Variants in FN1 observed in about 807,000 individuals in gnomAD.
FN1 encodes the protein fibronectin 1, also known as fibronectin.
Under a neutral mutation model 297.3 loss-of-function variants are expected in FN1, and 106 were observed. The ratio of observed to expected loss-of-function variants is 0.36; its 90% confidence interval spans 0.30 to 0.42. FN1 has a LOEUF of 0.42. Ranked by LOEUF, FN1 falls within the 10% of genes least tolerant of loss-of-function variation. FN1 has a pLI of 1.00. For synonymous variants in FN1, 1,149 were observed against 1,152.6 expected (o/e 1.00, Z 0.06); for missense variants, 2,690 against 3,124.9 (o/e 0.86, Z 3.32).
intron 20 of FN1, among the ~76,000 whole-genome samples, chr2:215,403,238 T>G: frequency 6.6e-6 from 1 of 152,204 alleles, no homozygotes; most frequent in East Asian, 1.9e-4. Flanking sequence ...TGCTTACGAT[T>G]AACTATTATT....
At chr2:215,424,424 C>T (rs2064979105) in intron 7 of FN1, 99 bp from the exon 8 acceptor site, 4 of 963,136 alleles carry the variant, frequency 4.2e-6, no homozygotes, top group Non-Finnish European at 6.5e-6. Flanking sequence ...AGCTTGTGCC[C>T]TCAAAGGAAG....
chr2:215,433,007 G>A (rs900670392), intron 3 of FN1, among the ~76,000 whole-genome samples: 3 of 152,026 alleles, frequency 2.0e-5, no homozygotes, highest in Non-Finnish European at 4.4e-5. Flanking sequence ...ATTTAAAATG[G>A]GCAACTCCCC....
intron 1 of FN1, among the ~76,000 whole-genome samples, chr2:215,435,426 C>CTCT (rs1559627137): frequency 1.3e-5 from 2 of 152,304 alleles, no homozygotes; most frequent in East Asian, 3.9e-4. Context: ...TTTATTAGAA[C>CTCT]ACGGGAAAGT....
Position 215,391,756 on chromosome 2 carries a change from G to C in FN1, c.4128C>G (p.Val1376=), listed in dbSNP as rs2059732033. The part of the protein sequence containing the change: ...FTNIGPDTMR[V]TWAPPPSIDL... The stretch of plus-strand genomic sequence containing the variant: ...CAATGGATGGGGGTGGAGCCCAGGT[G>C]ACACGCATGGTGTCTGGACCAATGT... Residue 1376 remains valine, a synonymous_variant, in exon 26 of 46, where the codon GTC becomes GTG. Coordinates refer to ENST00000354785, the MANE Select transcript of FN1 (RefSeq NM_212482.4). 1 of 1,614,046 alleles carries C rather than the reference G, an allele frequency of 6.2e-7. No individual in the cohort carries two copies. The highest frequency in any genetic ancestry group is 1.1e-5 in the South Asian group (1 of 91,074).
At chr2:215,404,883 C>G (rs1559489912) in intron 19 of FN1, among the ~76,000 whole-genome samples, 1 of 152,146 alleles carries the variant, frequency 6.6e-6, no homozygotes, top group Admixed American at 6.5e-5. Context: ...TGACTGTGAT[C>G]CTTTGGGAAG....
At position 215,384,940 on chromosome 2, in the gene FN1, G is replaced by A. The variant is rs202245868; in HGVS notation, c.4649C>T (p.Ala1550Val). ...GCTGATCAGTAGGCTGGTGGGGGTC[G>A]CAGCAACAACTTCCAGGTCCCTCGG... ...DVPRDLEVVA[A>V]TPTSLLISWD... The change falls in exon 29 of 46, where the codon GCG (alanine) becomes GTG (valine). Residue 1550 changes from alanine (A) to valine (V), a missense_variant. Transcript: ENST00000354785. 4.0e-5 allele frequency: 65 copies of A among 1,613,692 alleles called. No individual in the cohort carries two copies. Among genetic ancestry groups the A allele is most frequent in the Admixed American group, 6.7e-5 (4 of 59,994 alleles).
Position 215,434,720 on chromosome 2 carries a change from A to C in FN1, c.253T>G (p.Phe85Val), listed in dbSNP as rs2067156791. ...VCTCYGGSRGFNCESKPEAEE... is the reference protein window; with the variant it reads ...VCTCYGGSRGVNCESKPEAEE... The stretch of plus-strand genomic sequence containing the variant: ...CCTTCAGGTTTACTCTCGCAGTTAA[A>C]ACCTCGGCTTCCTCCATAACAAGTA... The change falls in exon 2 of 46, where the codon TTT becomes GTT. Residue 85 changes from phenylalanine to valine, a missense_variant. Physicochemically the swap from Phe to Val is conservative, Grantham distance 50 (BLOSUM62 -1). Coordinates refer to ENST00000354785, the MANE Select transcript of FN1 (RefSeq NM_212482.4). The C allele has an allele frequency of 1.2e-6, 2 of 1,614,054 alleles. No individual in the cohort carries two copies. Among genetic ancestry groups the C allele is most frequent in the African/African-American group, 1.3e-5 (1 of 74,922 alleles).
chr2:215,408,203 A>T lies in FN1; in HGVS notation c.2429-6T>A. The T allele has an allele frequency of 6.4e-7, 1 of 1,565,332 alleles. No homozygotes were observed. The highest frequency in any genetic ancestry group is 8.7e-7 in the Non-Finnish European group (1 of 1,152,848). On this transcript the variant is annotated splice_polypyrimidine_tract_variant and splice_region_variant and intron_variant, in intron 16 of 45. Coordinates refer to ENST00000354785, the MANE Select transcript of FN1 (RefSeq NM_212482.4). The stretch of plus-strand genomic sequence containing the variant: ...GTCAGGAGGGGCATCAGGCGCTAAG[A>T]AAGAAAGAAAGTGGGGCAAACAGTC...
rs943985299 is a variant in FN1 at position 215,413,916 on chromosome 2, A to T, written c.1941+921T>A. On this transcript the variant is annotated intron_variant, in intron 13 of 45. Transcript: ENST00000354785. ...GCGTCTAGACGTGGTTCTTTCCACT[A>T]ATTTTCTGGGCACCTAGGAGGCCCT... Among the ~76,000 whole-genome samples, 8 of 152,110 alleles carry T rather than the reference A, an allele frequency of 5.3e-5. No homozygotes were observed. In the East Asian group the frequency reaches 1.4e-3, roughly 26 times the overall value.
Position 215,391,710 on chromosome 2 carries a change from G to C in FN1, c.4174C>G (p.Arg1392Gly). The change falls in exon 26 of 46, where the codon CGT (arginine) becomes GGT (glycine). Residue 1392 changes from arginine (R) to glycine (G), a missense_variant. Arg to Gly is a moderately radical substitution (Grantham distance 125). Around this residue, in one of 3 missense-constraint regions of FN1, gnomAD observed 1,743 missense variants for 1,945.2 expected, o/e 0.90. Transcript: ENST00000354785. ...TCCTCATTTTTCACAGGTGAGTAAC[G>C]CACCAGGAAGTTGGTTAAATCAATG... ...PSIDLTNFLVRYSPVKNEEDV... is the reference protein window; with the variant it reads ...PSIDLTNFLVGYSPVKNEEDV... 6.2e-7 allele frequency: 1 copy of C among 1,613,970 alleles called. No homozygotes were observed. Among genetic ancestry groups the C allele is most frequent in the Non-Finnish European group, 8.5e-7 (1 of 1,179,860 alleles).
chr2:215,381,220 T>G (rs1393103050), intron 32 of FN1, 140 bp from the exon 33 acceptor site: 1 of 800,840 alleles, frequency 1.2e-6, no homozygotes, highest in African/African-American at 1.7e-5. Context: ...GAAAAATCAC[T>G]TAAACACTTG....
At chr2:215,394,092 CACAT>C in intron 24 of FN1, among the ~76,000 whole-genome samples, 1 of 152,180 alleles carries the variant, frequency 6.6e-6, no homozygotes, top group Non-Finnish European at 1.5e-5. Context: ...TTTCAGTGCT[CACAT>C]ACAGGGACAA....
At chr2:215,376,037 G>A (rs1052328480) in intron 36 of FN1, among the ~76,000 whole-genome samples, 2 of 152,200 alleles carry the variant, frequency 1.3e-5, no homozygotes, top group Non-Finnish European at 2.9e-5. Flanking sequence ...ACCGTAATCA[G>A]ATGGTCAATA....
rs10202709 is a variant in FN1 at position 215,433,507 on chromosome 2, C to T, written c.278-46G>A. On this transcript the variant is annotated intron_variant, in intron 2 of 45. Transcript: ENST00000354785. Reference sequence around the variant, plus strand: ...CATGTGAGCCTCACTTAGGTACAAGCTTTTCTAGTTCACTAATCCCCTCTA... The same window carrying T: ...CATGTGAGCCTCACTTAGGTACAAGTTTTTCTAGTTCACTAATCCCCTCTA... The T allele has an allele frequency of 0.23, 357,563 of 1,587,770 alleles. 44,172 individuals carry two copies. Among genetic ancestry groups the T allele is most frequent in the Non-Finnish European group, 0.25 (293,839 of 1,164,214 alleles).
intron 8 of FN1, 148 bp from the exon 9 acceptor site, chr2:215,423,674 C>G (rs2064839995): frequency 1.3e-6 from 1 of 776,978 alleles, no homozygotes; most frequent in Non-Finnish European, 2.2e-6. Context: ...TAATATAGTT[C>G]TAAGCTTCTT....
intron 33 of FN1, 182 bp downstream of exon 33, chr2:215,380,629 T>C: frequency 1.2e-6 from 1 of 833,742 alleles, no homozygotes; most frequent in Admixed American, 2.2e-5. Context: ...TTAATCAGAC[T>C]TGTTTCCTTA....
In FN1 at chr2:215,430,861, A is replaced by C. The variant is rs2066385332; in HGVS notation, c.548-9T>G. The C allele has an allele frequency of 2.5e-6, 4 of 1,613,950 alleles. No homozygotes were observed. Among genetic ancestry groups the C allele is most frequent in the Non-Finnish European group, 3.4e-6 (4 of 1,179,852 alleles). On this transcript the variant is annotated splice_polypyrimidine_tract_variant and intron_variant, in intron 4 of 45. Coordinates refer to ENST00000354785, the MANE Select transcript of FN1 (RefSeq NM_212482.4). The stretch of plus-strand genomic sequence containing the variant: ...ATCAAAACACTTCTCAGCTGTAGGG[A>C]AATTTGGAAGAAAAACAGGAAAAAA...
chr2:215,422,209 G>A lies in FN1; in HGVS notation c.1428C>T (p.Val476=). 6.2e-7 allele frequency: 1 copy of A among 1,614,002 alleles called. No homozygotes were observed. The highest frequency in any genetic ancestry group is 8.5e-7 in the Non-Finnish European group (1 of 1,179,876). ...HEEICTTNEG[V]MYRIGDQWDK... ...CCCACTGATCTCCAATGCGGTACAT[G>A]ACCCCTTCATTGGTTGTGCAGATTT... The change falls in exon 10 of 46, where the codon GTC becomes GTT. Residue 476 remains valine (V), a synonymous_variant. Transcript: ENST00000354785.
At chr2:215,419,503 T>C (rs2063903396) in intron 11 of FN1, 118 bp from the exon 12 acceptor site, 5 of 851,416 alleles carry the variant, frequency 5.9e-6, no homozygotes, top group Admixed American at 5.6e-5. Flanking sequence ...TTCTTACAAA[T>C]ATATGCAGTT....
Sources: gnomAD v4.1 joint callset for allele counts (sites outside exome capture counted in the v4.1 genomes callset) on GRCh38, gnomAD v4.1.1 for gene constraint, gnomAD v4.1.1 regional missense constraint, MANE v1.5 for transcripts, NCBI Gene and HGNC (gene_info 2026-07-23, HGNC 2026-07-21) for gene names.